Variants in SGCZ observed in about 807,000 individuals in gnomAD.
SGCZ encodes zeta-sarcoglycan.
A neutral mutation model predicts 41.3 loss-of-function variants in SGCZ; 40 were observed. The ratio of observed to expected loss-of-function variants is 0.97; its 90% CI spans 0.75 to 1.26. The LOEUF is 1.26. SGCZ is among the 50% of genes most tolerant of loss of function. The pLI is 0.00. For synonymous variants in SGCZ, 206 were observed against 137.5 expected, an observed-to-expected ratio of 1.50 and a Z score of -3.49; for missense variants, 552 against 369.8, an observed-to-expected ratio of 1.49 and a Z score of -4.04.
chr8:14,596,576 A>C lies in SGCZ; in HGVS notation c.40-41650T>G, dbSNP rs146434487. 4.6e-3 allele frequency among the ~76,000 whole-genome samples: 694 copies of C among 152,288 alleles called. 4 individuals carry two copies. Among genetic ancestry groups the C allele is most frequent in the Non-Finnish European group, 5.0e-3 (343 of 68,022 alleles). On this transcript the variant is annotated intron_variant, in intron 1 of 7. Transcript: ENST00000382080. ...TTTTTTTGCTCTGTGAATTGAACCA[A>C]GATTTCCTTGGACTACAGTAATTGC...
intron 3 of SGCZ, among the ~76,000 whole-genome samples, chr8:14,318,940 CA>C (rs72034233): frequency 1.4e-3 from 203 of 147,686 alleles, no homozygotes; most frequent in African/African-American, 4.7e-3. Flanking sequence ...CACTATTATA[CA>C]AAAAAAAATA....
chr8:15,177,979 A>G (rs535466913), intron 1 of SGCZ, among the ~76,000 whole-genome samples: 1 of 152,212 alleles, frequency 6.6e-6, no homozygotes, highest in East Asian at 1.9e-4. Context: ...AATAATTTCT[A>G]TTTACCACTC....
chr8:14,504,048 T>C (rs1802232712), intron 2 of SGCZ, among the ~76,000 whole-genome samples: 1 of 152,162 alleles, frequency 6.6e-6, no homozygotes, highest in Admixed American at 6.6e-5. Flanking sequence ...TCTAAAGTTA[T>C]CATTATTTTT....
At chr8:15,006,902 G>A (rs1284376033) in intron 1 of SGCZ, among the ~76,000 whole-genome samples, 2 of 152,174 alleles carry the variant, frequency 1.3e-5, no homozygotes, top group South Asian at 4.1e-4. Flanking sequence ...TAGCAAAAAT[G>A]TTGACTTTTG....
chr8:14,240,163 C>T (rs560852877), intron 3 of SGCZ, among the ~76,000 whole-genome samples: 2 of 151,212 alleles, frequency 1.3e-5, no homozygotes, highest in African/African-American at 4.9e-5. Context: ...CCCATCTCTA[C>T]TAAAAATACG....
At chr8:14,342,624 A>T (rs1051328872) in intron 2 of SGCZ, among the ~76,000 whole-genome samples, 1 of 152,134 alleles carries the variant, frequency 6.6e-6, no homozygotes, top group Non-Finnish European at 1.5e-5. Flanking sequence ...CTGGTGGAAG[A>T]AATTTCTCAG....
chr8:14,896,371 G>C (rs1805198766), intron 1 of SGCZ, among the ~76,000 whole-genome samples: 1 of 152,144 alleles, frequency 6.6e-6, no homozygotes, highest in Admixed American at 6.5e-5. Flanking sequence ...ACTGACTCTG[G>C]TGTCAGGCAG....
intron 2 of SGCZ, among the ~76,000 whole-genome samples, chr8:14,417,689 G>A (rs187754572): frequency 2.6e-5 from 4 of 151,912 alleles, no homozygotes; most frequent in Non-Finnish European, 4.4e-5. Context: ...TTGTACTCTT[G>A]AAATTTGCTA....
At chr8:15,234,832 T>C (rs939656014) in intron 1 of SGCZ, among the ~76,000 whole-genome samples, 3 of 152,158 alleles carry the variant, frequency 2.0e-5, no homozygotes, top group African/African-American at 7.2e-5. Context: ...ATTATCAGAA[T>C]CTTTCTTTCT....
intron 1 of SGCZ, among the ~76,000 whole-genome samples, chr8:14,801,452 T>C (rs760478727): frequency 1.3e-5 from 2 of 152,318 alleles, no homozygotes; most frequent in Middle Eastern, 3.4e-3. Context: ...CACTATATAA[T>C]GTAACAATAA....
intron 1 of SGCZ, among the ~76,000 whole-genome samples, chr8:14,829,483 T>C (rs1264155887): frequency 2.0e-5 from 3 of 152,196 alleles, no homozygotes; most frequent in Non-Finnish European, 4.4e-5. Flanking sequence ...CCCTTGTAAG[T>C]AGAATTGAAC....
chr8:14,481,458 G>C (rs1000850816), intron 2 of SGCZ, among the ~76,000 whole-genome samples: 4 of 152,132 alleles, frequency 2.6e-5, no homozygotes, highest in Non-Finnish European at 4.4e-5. Context: ...TGTGCTTTTT[G>C]TGACAGTAAT....
At chr8:14,647,281 C>T (rs1047670332) in intron 1 of SGCZ, among the ~76,000 whole-genome samples, 10 of 151,986 alleles carry the variant, frequency 6.6e-5, no homozygotes, top group Non-Finnish European at 1.3e-4. Context: ...CATAACTATT[C>T]ACTAGCATTA....
At chr8:15,105,671 C>A (rs575716027) in intron 1 of SGCZ, among the ~76,000 whole-genome samples, 24 of 152,240 alleles carry the variant, frequency 1.6e-4, no homozygotes, top group African/African-American at 5.8e-4. Flanking sequence ...TGGGCAGGGA[C>A]ACAGAGCCAA....
In SGCZ at chr8:14,783,142, A is replaced by G. The variant is rs1304622280; in HGVS notation, c.40-228216T>C. 4.6e-5 allele frequency among the ~76,000 whole-genome samples: 7 copies of G among 152,288 alleles called. No homozygotes were observed. The South Asian group carries it at 6.2e-4, about 14-fold the overall frequency. On this transcript the variant is annotated intron_variant, in intron 1 of 7. Transcript: ENST00000382080. Reference sequence around the variant, plus strand: ...TAGGGAATTCCAAGAGATAGAAAGTAAAAGTATATGGCCGGGCACGGTGGC... The same window carrying G: ...TAGGGAATTCCAAGAGATAGAAAGTGAAAGTATATGGCCGGGCACGGTGGC...
intron 1 of SGCZ, among the ~76,000 whole-genome samples, chr8:14,769,612 C>T (rs1009322949): frequency 2.6e-5 from 4 of 151,480 alleles, no homozygotes; most frequent in Admixed American, 6.6e-5. Flanking sequence ...GCCAGCATGG[C>T]GAAACCCAGT....
intron 1 of SGCZ, among the ~76,000 whole-genome samples, chr8:14,572,988 T>A (rs971055694): frequency 6.6e-6 from 1 of 152,172 alleles, no homozygotes; most frequent in African/African-American, 2.4e-5. Flanking sequence ...CTGTCTCTAA[T>A]GTTCATTTGT....
intron 1 of SGCZ, among the ~76,000 whole-genome samples, chr8:15,061,108 G>T (rs950229266): frequency 2.0e-5 from 3 of 151,140 alleles, no homozygotes; most frequent in Non-Finnish European, 4.4e-5. Flanking sequence ...GTTATCAAAT[G>T]TTAGCCAGCT....
chr8:14,205,954 T>C (rs531414438), intron 4 of SGCZ, among the ~76,000 whole-genome samples: 39 of 152,254 alleles, frequency 2.6e-4, no homozygotes, highest in African/African-American at 7.2e-4. Flanking sequence ...CGAGTTCATA[T>C]AGGCTAAGAA....
Sources: allele counts gnomAD v4.1 joint callset (sites outside exome capture counted in the v4.1 genomes callset), GRCh38; gene constraint gnomAD v4.1.1; transcripts MANE v1.5; gene names NCBI Gene and HGNC (gene_info 2026-07-23, HGNC 2026-07-21).